Variants in JMJD1C observed in about 807,000 individuals in gnomAD.
The protein encoded by JMJD1C is jumonji domain-containing protein 1C.
JMJD1C carries 31 observed loss-of-function variants against 245.3 expected under a neutral mutation model. That is an observed-to-expected ratio of 0.13 (90% CI 0.09 to 0.17). The LOEUF is 0.17. Ranked by LOEUF, JMJD1C falls within the 10% of genes least tolerant of loss-of-function variation. JMJD1C has a pLI of 1.00. For missense variants in JMJD1C, 2,691 were observed against 3,000.2 expected (o/e 0.90, Z 2.41); for synonymous variants, 1,057 against 1,017.4 (o/e 1.04, Z -0.74).
chr10:63,277,071 C>T (rs2133862378), intron 2 of JMJD1C, among the ~76,000 whole-genome samples: 1 of 151,578 alleles, frequency 6.6e-6, no homozygotes, highest in South Asian at 2.1e-4. Context: ...TTAGTAGAGA[C>T]AGGGTTTCAC....
At chr10:63,462,264 C>T (rs922411701) in intron 1 of JMJD1C, among the ~76,000 whole-genome samples, 3 of 152,128 alleles carry the variant, frequency 2.0e-5, no homozygotes, top group South Asian at 2.1e-4. Flanking sequence ...AATTATCCAA[C>T]ATAACCTAAT....
chr10:63,200,519 G>T lies in JMJD1C; in HGVS notation c.5233C>A (p.Pro1745Thr). 6.2e-7 allele frequency: 1 copy of T among 1,613,880 alleles called. No homozygotes were observed. The highest frequency in any genetic ancestry group is 8.5e-7 in the Non-Finnish European group (1 of 1,179,876). ...CTACAAAATACTGGTGAGTGAGCTG[G>T]TTCTTCTCCTTTTTTACTGCGAATA... ...RLIRSKKGEE[P>T]AHSPVFCRFY... Residue 1745 changes from proline (P) to threonine (T), a missense_variant, in exon 11 of 26, where the codon CCA becomes ACA. By Grantham distance (38) the Pro-to-Thr change is conservative. Transcript: ENST00000399262.
Position 63,327,700 on chromosome 10 carries a change from C to T in JMJD1C, c.333+52618G>A, listed in dbSNP as rs541733572. Among the ~76,000 whole-genome samples the T allele has an allele frequency of 1.8e-4, 27 of 151,400 alleles. No individual in the cohort carries two copies. In the East Asian group the frequency reaches 2.9e-3, roughly 16 times the overall value. On this transcript the variant is annotated intron_variant, in intron 2 of 25. Coordinates refer to ENST00000399262, the MANE Select transcript of JMJD1C (RefSeq NM_032776.3). Reference sequence around the variant, plus strand: ...TTTTTTTTTTTGAGATGGAGTTTCGCTCTTGTTCCCCAGGCTGGAGGGCAA... The same window carrying T: ...TTTTTTTTTTTGAGATGGAGTTTCGTTCTTGTTCCCCAGGCTGGAGGGCAA...
chr10:63,318,218 T>C (rs1197010454), intron 2 of JMJD1C, among the ~76,000 whole-genome samples: 3 of 152,164 alleles, frequency 2.0e-5, no homozygotes, highest in Non-Finnish European at 4.4e-5. Context: ...TGTCTCCTTA[T>C]GTTGCCCAGG....
chr10:63,182,895 CTT>C (rs1325066562), intron 22 of JMJD1C, among the ~76,000 whole-genome samples: 2 of 151,774 alleles, frequency 1.3e-5, no homozygotes, highest in African/African-American at 2.4e-5. Context: ...GAGTTTTGCT[CTT>C]GTTGCCCAGG....
At chr10:63,411,478 T>C (rs1351604211) in intron 1 of JMJD1C, among the ~76,000 whole-genome samples, 1 of 151,962 alleles carries the variant, frequency 6.6e-6, no homozygotes, top group East Asian at 1.9e-4. Flanking sequence ...TTTGTACTTT[T>C]AGTAGAAACG....
intron 2 of JMJD1C, among the ~76,000 whole-genome samples, chr10:63,288,103 A>G (rs1858196382): frequency 6.6e-6 from 1 of 152,084 alleles, no homozygotes; most frequent in Non-Finnish European, 1.5e-5. Context: ...CTAATACTGA[A>G]TTTTCTATCC....
At chr10:63,520,908 T>C (rs1435106446) in intron 1 of JMJD1C, among the ~76,000 whole-genome samples, 1 of 152,092 alleles carries the variant, frequency 6.6e-6, no homozygotes, top group Non-Finnish European at 1.5e-5. Flanking sequence ...TGTGGTAATA[T>C]AAGGACGCCT....
At chr10:63,355,568 GA>G (rs1944764430) in intron 2 of JMJD1C, among the ~76,000 whole-genome samples, 1 of 152,038 alleles carries the variant, frequency 6.6e-6, no homozygotes, top group Admixed American at 6.6e-5. Context: ...GCTACTCTTG[GA>G]AGAGAAAAAA....
intron 2 of JMJD1C, among the ~76,000 whole-genome samples, chr10:63,310,800 A>G (rs532798756): frequency 9.2e-4 from 140 of 152,298 alleles, no homozygotes; most frequent in African/African-American, 3.2e-3. Flanking sequence ...GGGAAAAATA[A>G]TGAACAATCA....
At chr10:63,424,330 G>C (rs1589722059) in intron 1 of JMJD1C, among the ~76,000 whole-genome samples, 1 of 151,276 alleles carries the variant, frequency 6.6e-6, no homozygotes, top group Non-Finnish European at 1.5e-5. Context: ...GCCTCCCAAA[G>C]TGATGGGATT....
At chr10:63,301,651 G>T (rs1018396342) in intron 2 of JMJD1C, 2 of 366,662 alleles carry the variant, frequency 5.5e-6, no homozygotes, top group African/African-American at 4.4e-5. Context: ...ACAGACCAGG[G>T]CCTGTCCGGG....
intron 2 of JMJD1C, among the ~76,000 whole-genome samples, chr10:63,286,070 G>C (rs1370670558): frequency 6.6e-6 from 1 of 152,168 alleles, no homozygotes; most frequent in South Asian, 2.1e-4. Context: ...CCAGCAATCT[G>C]TGCTTTAACA....
intron 1 of JMJD1C, among the ~76,000 whole-genome samples, chr10:63,504,080 A>G (rs1954644611): frequency 6.6e-6 from 1 of 152,214 alleles, no homozygotes; most frequent in East Asian, 1.9e-4. Context: ...TATACTACAT[A>G]AAATGTTATG....
At chr10:63,240,695 A>C (rs1851374342) in intron 3 of JMJD1C, among the ~76,000 whole-genome samples, 1 of 152,212 alleles carries the variant, frequency 6.6e-6, no homozygotes, top group Non-Finnish European at 1.5e-5. Flanking sequence ...GGTTGAGTTT[A>C]TATAATGAAA....
At chr10:63,287,073 T>C (rs1009634240) in intron 2 of JMJD1C, among the ~76,000 whole-genome samples, 4 of 152,164 alleles carry the variant, frequency 2.6e-5, no homozygotes, top group Non-Finnish European at 5.9e-5. Flanking sequence ...TAGCTGGGCA[T>C]GGTGGCGCAC....
At chr10:63,449,535 C>T (rs1238982395) in intron 1 of JMJD1C, among the ~76,000 whole-genome samples, 1 of 151,964 alleles carries the variant, frequency 6.6e-6, no homozygotes, top group East Asian at 1.9e-4. Context: ...AGAAAGATCA[C>T]ATTATTTTTA....
At chr10:63,286,062 A>G (rs1020271824) in intron 2 of JMJD1C, among the ~76,000 whole-genome samples, 3 of 152,206 alleles carry the variant, frequency 2.0e-5, no homozygotes, top group Non-Finnish European at 4.4e-5. Context: ...AGTGGGGTCC[A>G]GCAATCTGTG....
At chr10:63,446,261 T>C (rs1161327308) in intron 1 of JMJD1C, among the ~76,000 whole-genome samples, 1 of 152,132 alleles carries the variant, frequency 6.6e-6, no homozygotes, top group Non-Finnish European at 1.5e-5. Context: ...GAGTCCAGGA[T>C]GACTGCAAGG....
Sources: allele counts gnomAD v4.1 joint callset (sites outside exome capture counted in the v4.1 genomes callset), GRCh38; gene constraint gnomAD v4.1.1; transcripts MANE v1.5; gene names NCBI Gene and HGNC (gene_info 2026-07-23, HGNC 2026-07-21).